The following RAB3GAP2 variants were observed in gnomAD, a reference collection of about 807,000 sequenced individuals.
RAB3GAP2 encodes RAB3 GTPase activating non-catalytic protein subunit 2.
RAB3GAP2 carries 87 observed loss-of-function variants against 185.3 expected under a neutral mutation model. The observed-to-expected ratio is 0.47, with a 90% CI of 0.39 to 0.56. The LOEUF is 0.56. Among genes scored for constraint, RAB3GAP2 ranks in the 20% least tolerant of loss-of-function variants. The probability of loss-of-function intolerance (pLI) is 0.00; values close to 1 mark genes in which losing one functional copy is unlikely to be tolerated. For missense variants in RAB3GAP2, 1,492 were observed against 1,638.2 expected, an observed-to-expected ratio of 0.91 and a Z score of 1.54; for synonymous variants, 554 against 576.1, an observed-to-expected ratio of 0.96 and a Z score of 0.55.
Position 220,149,584 on chromosome 1 carries a change from C to CAGAT in RAB3GAP2, c.*1663_*1666dup, listed in dbSNP as rs1657704408. Reference sequence around the variant, plus strand: ...TAACAAGTGACTGTTAACACAGAGCCAGATATGTTTACAAGAATTCTAGGA... The same window carrying CAGAT: ...TAACAAGTGACTGTTAACACAGAGCCAGATAGATATGTTTACAAGAATTCTAGGA... On this transcript the variant is annotated 3_prime_UTR_variant, in exon 35 of 35. Coordinates refer to ENST00000358951, the MANE Select transcript of RAB3GAP2 (RefSeq NM_012414.4). 6.6e-6 allele frequency: 1 copy of CAGAT among 152,102 alleles called. No individual in the cohort carries two copies. Among genetic ancestry groups the CAGAT allele is most frequent in the Admixed American group, 6.6e-5 (1 of 15,264 alleles). The allele number at this position is 152,102 out of a possible 1,614,324, so 9.4% of individuals were successfully genotyped here.
intron 33 of RAB3GAP2, among the ~76,000 whole-genome samples, chr1:220,152,984 C>T (rs553257771): frequency 1.4e-4 from 22 of 152,218 alleles, no homozygotes; most frequent in Non-Finnish European, 2.2e-4. Context: ...TATCCCTGTG[C>T]GTAGGGCAGG....
intron 8 of RAB3GAP2, among the ~76,000 whole-genome samples, chr1:220,204,948 G>A (rs936679456): frequency 6.6e-6 from 1 of 151,922 alleles, no homozygotes; most frequent in African/African-American, 2.4e-5. Context: ...ATTCCATGGT[G>A]TATATGTGCC....
rs1021924155 is a variant in RAB3GAP2, at chr1:220,149,268, T to G, written c.*1983A>C. The stretch of plus-strand genomic sequence containing the variant: ...AAAATTTTAGGATAACAAATCTAAC[T>G]AGAGACTTAATGATTTGTGTTAGGA... On this transcript the variant is annotated 3_prime_UTR_variant, in exon 35 of 35. Coordinates refer to ENST00000358951, the MANE Select transcript of RAB3GAP2 (RefSeq NM_012414.4). 1 of 152,170 alleles carries G rather than the reference T, an allele frequency of 6.6e-6. No homozygotes were observed. The highest frequency in any genetic ancestry group is 1.5e-5 in the Non-Finnish European group (1 of 68,024). The allele number at this position is 152,170 out of a possible 1,614,324, so 9.4% of individuals were successfully genotyped here.
intron 16 of RAB3GAP2, 61 bp downstream of exon 16, chr1:220,190,003 T>C: frequency 7.3e-7 from 1 of 1,366,220 alleles, no homozygotes; most frequent in Non-Finnish European, 1.0e-6. Flanking sequence ...TTCAGAATAT[T>C]TTATTGATTT....
intron 7 of RAB3GAP2, among the ~76,000 whole-genome samples, chr1:220,206,808 G>A (rs1658977021): frequency 6.6e-6 from 1 of 152,158 alleles, no homozygotes; most frequent in Non-Finnish European, 1.5e-5. Context: ...CTGCCTAATT[G>A]TTCCTGTCAT....
chr1:220,251,378 T>C (rs1205361261), intron 1 of RAB3GAP2, among the ~76,000 whole-genome samples: 1 of 152,208 alleles, frequency 6.6e-6, no homozygotes, highest in Non-Finnish European at 1.5e-5. Context: ...TTAAGAGATA[T>C]GATTATATAA....
At chr1:220,254,356 C>A in intron 1 of RAB3GAP2, 2 of 1,613,442 alleles carry the variant, frequency 1.2e-6, no homozygotes, top group Non-Finnish European at 1.7e-6. Context: ...AGCGCCACAT[C>A]TCCTGAGATT....
chr1:220,212,757 TGC>T, intron 4 of RAB3GAP2, 128 bp downstream of exon 4: 1 of 796,764 alleles, frequency 1.3e-6, no homozygotes, highest in Non-Finnish European at 2.1e-6. Flanking sequence ...CTTCCCAAAG[TGC>T]TAGGATTACA....
Position 220,170,820 on chromosome 1 carries a change from G to A in RAB3GAP2, c.2806+72C>T, listed in dbSNP as rs1042661104. On this transcript the variant is annotated intron_variant, in intron 24 of 34. Coordinates refer to ENST00000358951, the MANE Select transcript of RAB3GAP2 (RefSeq NM_012414.4). ...GTATTTTTCTTTCTCTATTCTTTCC[G>A]TCATTTCTATTAAAAGAAACCCTCG... 1.2e-4 allele frequency: 158 copies of A among 1,266,700 alleles called. 1 individual carries two copies. The highest frequency in any genetic ancestry group is 9.5e-4 in the Middle Eastern group (5 of 5,286). The allele number at this position is 1,266,700 out of a possible 1,614,324, so 78.5% of individuals were successfully genotyped here.
At chr1:220,262,204 GGGA>G (rs1171341237) in intron 1 of RAB3GAP2, among the ~76,000 whole-genome samples, 3 of 152,016 alleles carry the variant, frequency 2.0e-5, no homozygotes, top group African/African-American at 4.8e-5. Flanking sequence ...GAGAGGCTGA[GGGA>G]GGAGAATGGT....
At position 220,167,608 on chromosome 1, in the gene RAB3GAP2, C is replaced by T; in HGVS notation, c.2874G>A (p.Leu958=). The T allele has an allele frequency of 6.2e-7, 1 of 1,614,088 alleles. No individual in the cohort carries two copies. The highest frequency in any genetic ancestry group is 8.5e-7 in the Non-Finnish European group (1 of 1,179,972). ...TTTCTGCATCTCTTTCTTCATTAGC[C>T]AGTTTTAATACTTCAGGGCTGAAGT... The part of the protein sequence containing the change: ...KQDFSPEVLK[L]ANEERDAENP... The change falls in exon 25 of 35, where the codon CTG becomes CTA. Residue 958 remains leucine, a synonymous_variant. Coordinates refer to ENST00000358951, the MANE Select transcript of RAB3GAP2 (RefSeq NM_012414.4).
rs1558157051 is a variant in RAB3GAP2, at chr1:220,210,997, C to T, written c.392G>A (p.Cys131Tyr). ...TGGGATACATAGAGCACTGGTTACA[C>T]ATTCCCTAAAAACAAAAACAAAATC... The part of the protein sequence containing the change: ...SGSLNVEEGE[C>Y]VTSALCIPLA... Residue 131 changes from cysteine to tyrosine, a missense_variant, in exon 5 of 35, where the codon TGT becomes TAT. Cys to Tyr is a radical substitution (Grantham distance 194). Coordinates refer to ENST00000358951, the MANE Select transcript of RAB3GAP2 (RefSeq NM_012414.4). The T allele has an allele frequency of 6.2e-7, 1 of 1,613,426 alleles. No individual in the cohort carries two copies. The highest frequency in any genetic ancestry group is 1.3e-5 in the African/African-American group (1 of 75,048).
chr1:220,205,263 T>C (rs555832405), intron 8 of RAB3GAP2, among the ~76,000 whole-genome samples: 5 of 152,334 alleles, frequency 3.3e-5, no homozygotes, highest in African/African-American at 1.2e-4. Context: ...TTCTTGATTA[T>C]TTGGGCAGTT....
At chr1:220,182,605 C>T in intron 20 of RAB3GAP2, 113 bp downstream of exon 20, 1 of 1,192,658 alleles carries the variant, frequency 8.4e-7, no homozygotes, top group South Asian at 1.6e-5. Flanking sequence ...TACATTAAAT[C>T]CTTTCATTAT....
At chr1:220,262,193 C>T (rs1343962942) in intron 1 of RAB3GAP2, among the ~76,000 whole-genome samples, 1 of 151,122 alleles carries the variant, frequency 6.6e-6, no homozygotes, top group Non-Finnish European at 1.5e-5. Context: ...CCCAGCTACT[C>T]GAGAGGCTGA....
chr1:220,257,508 A>C (rs757069400), intron 1 of RAB3GAP2, among the ~76,000 whole-genome samples: 2 of 152,230 alleles, frequency 1.3e-5, no homozygotes, highest in Non-Finnish European at 2.9e-5. Context: ...GCAGACATCA[A>C]AAAGATCTTT....
chr1:220,249,239 TG>T (rs1161768786), intron 1 of RAB3GAP2, among the ~76,000 whole-genome samples: 1 of 152,134 alleles, frequency 6.6e-6, no homozygotes, highest in Non-Finnish European at 1.5e-5. Flanking sequence ...TGGGAAAGTT[TG>T]GAACTCCCTA....
intron 31 of RAB3GAP2, among the ~76,000 whole-genome samples, chr1:220,156,801 C>A (rs1343625785): frequency 3.3e-5 from 5 of 152,038 alleles, no homozygotes; most frequent in African/African-American, 1.2e-4. Context: ...TAGTTTTTGC[C>A]AGGGCAAAAA....
intron 1 of RAB3GAP2, among the ~76,000 whole-genome samples, chr1:220,238,533 C>T (rs1659636131): frequency 6.6e-6 from 1 of 152,218 alleles, no homozygotes; most frequent in South Asian, 2.1e-4. Flanking sequence ...ACCTATCTCA[C>T]AGAGTTGTTA....
Sources: gnomAD v4.1 joint callset for allele counts (sites outside exome capture counted in the v4.1 genomes callset) on GRCh38, gnomAD v4.1.1 for gene constraint, MANE v1.5 for transcripts, NCBI Gene and HGNC (gene_info 2026-07-23, HGNC 2026-07-21) for gene names.